LGALS9: variants seen among roughly 807,000 people sequenced by gnomAD.
LGALS9 encodes galectin-9.
Under a neutral mutation model 35.9 loss-of-function variants are expected in LGALS9, and 26 were observed. The observed-to-expected ratio is 0.72, with a 90% CI of 0.53 to 1.01. The LOEUF (loss-of-function observed/expected upper bound fraction) is 1.01, where lower values mean the gene tolerates loss of function less well. Ranked by LOEUF, LGALS9 falls within the 50% of genes least tolerant of loss-of-function variation. The probability of loss-of-function intolerance (pLI) is 0.00; values close to 1 mark genes in which losing one functional copy is unlikely to be tolerated. For missense variants in LGALS9, 347 were observed against 445.8 expected (o/e 0.78, Z 1.99); for synonymous variants, 149 against 172.2 (o/e 0.87, Z 1.06).
intron 5 of LGALS9, 129 bp downstream of exon 5, chr17:27,643,749 T>C (rs1222238042): frequency 1.4e-6 from 2 of 1,409,836 alleles, no homozygotes; most frequent in African/African-American, 1.5e-5. Flanking sequence ...AAGAGTTCCC[T>C]GTCTCTGTCC....
Position 27,634,212 on chromosome 17 carries a change from T to C in LGALS9, c.39+2908T>C, listed in dbSNP as rs543333475. Among the ~76,000 whole-genome samples, 7 of 152,238 alleles carry C rather than the reference T, an allele frequency of 4.6e-5. No individual in the cohort carries two copies. The East Asian group carries it at 1.2e-3, about 25-fold the overall frequency. ...TTTTCCTTTTCCATCTTCTAGAGGCTGCCTGCAGGCCTTGGCTTATGACCC... is the reference window on the plus strand; with the variant it reads ...TTTTCCTTTTCCATCTTCTAGAGGCCGCCTGCAGGCCTTGGCTTATGACCC... On this transcript the variant is annotated intron_variant, in intron 1 of 10. Coordinates refer to ENST00000395473, the MANE Select transcript of LGALS9 (RefSeq NM_009587.3).
At chr17:27,641,014 C>A in intron 3 of LGALS9, 1 of 725,210 alleles carries the variant, frequency 1.4e-6, no homozygotes. Context: ...GAGGAGTCAT[C>A]ACGTTGCTAT....
rs143907747 is a variant in LGALS9, at chr17:27,636,224, G to A, written c.40-2039G>A. 9.7e-4 allele frequency among the ~76,000 whole-genome samples: 148 copies of A among 152,298 alleles called. 1 individual carries two copies. Among genetic ancestry groups the A allele is most frequent in the African/African-American group, 3.4e-3 (140 of 41,570 alleles). ...CAAGTAGGCTGAATTTGGCTGGTGGGTGTTTTCTGTTTGGCCTGCACAGTG... is the reference window on the plus strand; with the variant it reads ...CAAGTAGGCTGAATTTGGCTGGTGGATGTTTTCTGTTTGGCCTGCACAGTG... On this transcript the variant is annotated intron_variant, in intron 1 of 10. Transcript: ENST00000395473.
At chr17:27,643,755 T>C in intron 5 of LGALS9, 135 bp downstream of exon 5, 4 of 1,377,836 alleles carry the variant, frequency 2.9e-6, no homozygotes, top group Non-Finnish European at 3.9e-6. Flanking sequence ...TCCCTGTCTC[T>C]GTCCGCTGGG....
chr17:27,646,630 G>A (rs770261201), intron 8 of LGALS9, 42 bp downstream of exon 8: 8 of 1,613,058 alleles, frequency 5.0e-6, no homozygotes, highest in Non-Finnish European at 5.9e-6. Flanking sequence ...TGTTTGTGGT[G>A]GGCAGGCTGG....
chr17:27,647,455 T>G, intron 10 of LGALS9, 23 bp downstream of exon 10: 1 of 1,613,766 alleles, frequency 6.2e-7, no homozygotes, highest in African/African-American at 1.3e-5. Flanking sequence ...AGTCTGGAGC[T>G]TGGAGAGGCT....
intron 1 of LGALS9, among the ~76,000 whole-genome samples, chr17:27,633,540 C>G (rs1323067784): frequency 2.6e-5 from 4 of 152,188 alleles, no homozygotes; most frequent in Non-Finnish European, 5.9e-5. Flanking sequence ...TGGGTGTCCT[C>G]TGGTGATGCT....
At position 27,647,300 on chromosome 17, in the gene LGALS9, C is replaced by T. The variant is rs767717536; in HGVS notation, c.789C>T (p.His263=). The T allele has an allele frequency of 1.9e-5, 30 of 1,614,188 alleles. No individual in the cohort carries two copies. The highest frequency in any genetic ancestry group is 2.5e-5 in the Non-Finnish European group (30 of 1,180,046). ...RFHINLCSGN[H]IAFHLNPRFD... ...ACATCAACCTGTGCTCTGGGAACCA[C>T]ATCGCCTTCCACCTGAACCCCCGTT... Residue 263 remains histidine (H), a synonymous_variant, in exon 10 of 11, where the codon CAC becomes CAT. Coordinates refer to ENST00000395473, the MANE Select transcript of LGALS9 (RefSeq NM_009587.3).
rs1567919928 is a variant in LGALS9, at chr17:27,647,315, G to C, written c.804G>C (p.Leu268=). 3 of 1,614,052 alleles carry C rather than the reference G, an allele frequency of 1.9e-6. No individual in the cohort carries two copies. The highest frequency in any genetic ancestry group is 2.5e-6 in the Non-Finnish European group (3 of 1,180,044). The part of the protein sequence containing the change: ...LCSGNHIAFH[L]NPRFDENAVV... ...CTGGGAACCACATCGCCTTCCACCT[G>C]AACCCCCGTTTTGATGAGAATGCTG... The change falls in exon 10 of 11, where the codon CTG becomes CTC. Residue 268 remains leucine (L), a synonymous_variant. Transcript: ENST00000395473.
chr17:27,648,856 T>A lies in LGALS9; in HGVS notation c.942T>A (p.Ala314=), dbSNP rs777462578. ...QSFSVWILCE[A]HCLKVAVDGQ... is the part of the protein sequence containing the mutation. ...CACAGGTGTGGATCTTGTGTGAAGC[T>A]CACTGCCTCAAGGTGGCCGTGGATG... The change falls in exon 11 of 11, where the codon GCT becomes GCA. Residue 314 remains alanine, a synonymous_variant. Transcript: ENST00000395473. 6.2e-7 allele frequency: 1 copy of A among 1,609,006 alleles called. No individual in the cohort carries two copies. Among genetic ancestry groups the A allele is most frequent in the Admixed American group, 1.7e-5 (1 of 59,648 alleles).
intron 1 of LGALS9, among the ~76,000 whole-genome samples, chr17:27,634,569 AAAAACG>A (rs888159815): frequency 1.3e-5 from 2 of 152,128 alleles, no homozygotes; most frequent in Non-Finnish European, 2.9e-5. Flanking sequence ...ACAAAAAACA[AAAAACG>A]AAAACAAACA....
intron 1 of LGALS9, among the ~76,000 whole-genome samples, chr17:27,632,856 C>T (rs1452895106): frequency 6.6e-6 from 1 of 152,212 alleles, no homozygotes; most frequent in African/African-American, 2.4e-5. Flanking sequence ...TTAAGCCTCA[C>T]TTGGTGACCC....
In LGALS9 at chr17:27,643,475, T is replaced by G. The variant is rs745893467; in HGVS notation, c.445-50T>G. 27 of 1,608,998 alleles carry G rather than the reference T, an allele frequency of 1.7e-5. No homozygotes were observed. In the Admixed American group the frequency reaches 4.5e-4, roughly 27 times the overall value. On this transcript the variant is annotated intron_variant, in intron 4 of 10. Transcript: ENST00000395473. ...CTGCCTCTGCCTTTCGGCTTCTCCT[T>G]GGCTCTATTAATGCTTCTCCTCACT...
intron 2 of LGALS9, among the ~76,000 whole-genome samples, chr17:27,639,541 A>T (rs1567914001): frequency 6.6e-6 from 1 of 152,144 alleles, no homozygotes; most frequent in Non-Finnish European, 1.5e-5. Context: ...ATATATTTCA[A>T]ATGCAATCTT....
rs772523254 is a variant in LGALS9, at chr17:27,647,327, T to G, written c.816T>G (p.Phe272Leu). 1.9e-6 allele frequency: 3 copies of G among 1,614,172 alleles called. No homozygotes were observed. The highest frequency in any genetic ancestry group is 2.5e-6 in the Non-Finnish European group (3 of 1,180,024). The change falls in exon 10 of 11, where the codon TTT (phenylalanine) becomes TTG (leucine). Residue 272 changes from phenylalanine to leucine, a missense_variant. Coordinates refer to ENST00000395473, the MANE Select transcript of LGALS9 (RefSeq NM_009587.3). Reference protein sequence around the residue: ...NHIAFHLNPRFDENAVVRNTQ... With the variant: ...NHIAFHLNPRLDENAVVRNTQ... ...TCGCCTTCCACCTGAACCCCCGTTT[T>G]GATGAGAATGCTGTGGTCCGCAACA...
At chr17:27,632,770 A>G (rs1430862552) in intron 1 of LGALS9, among the ~76,000 whole-genome samples, 1 of 152,224 alleles carries the variant, frequency 6.6e-6, no homozygotes, top group East Asian at 1.9e-4. Context: ...TCCAGACAAG[A>G]AAGATGATCA....
chr17:27,640,900 A>C, intron 3 of LGALS9, 127 bp downstream of exon 3: 49 of 1,415,260 alleles, frequency 3.5e-5, no homozygotes, highest in Non-Finnish European at 4.6e-5. Flanking sequence ...TAACACGCTC[A>C]TTTCCTTGTG....
At chr17:27,648,617 G>A (rs752930016) in intron 10 of LGALS9, among the ~76,000 whole-genome samples, 1 of 152,166 alleles carries the variant, frequency 6.6e-6, no homozygotes, top group Non-Finnish European at 1.5e-5. Context: ...TCCTGTCCCT[G>A]ATGGGGTGGG....
chr17:27,646,927 A>T lies in LGALS9; in HGVS notation c.670-103A>T, dbSNP rs527238678. On this transcript the variant is annotated intron_variant, in intron 8 of 10. Transcript: ENST00000395473. Reference sequence around the variant, plus strand: ...CCTTTGGCTTTTATGGAACCAAGTAAAGATATCATGGGCTTCTTCTCAGCT... The same window carrying T: ...CCTTTGGCTTTTATGGAACCAAGTATAGATATCATGGGCTTCTTCTCAGCT... 6.5e-6 allele frequency: 10 copies of T among 1,531,954 alleles called. No homozygotes were observed. In the Admixed American group the frequency reaches 1.8e-4, roughly 28 times the overall value. The allele number at this position is 1,531,954 out of a possible 1,614,324, so 94.9% of individuals were successfully genotyped here.
Sources: allele counts gnomAD v4.1 joint callset (sites outside exome capture counted in the v4.1 genomes callset), GRCh38; gene constraint gnomAD v4.1.1; transcripts MANE v1.5; gene names NCBI Gene and HGNC (gene_info 2026-07-23, HGNC 2026-07-21).